TRAPPC9: variants seen among roughly 807,000 people sequenced by gnomAD.
TRAPPC9 encodes the protein trafficking protein particle complex subunit 9, also known as IKK2 binding protein.
In TRAPPC9, 83 loss-of-function variants were observed where a neutral mutation model predicts 124.0. That is an observed-to-expected ratio of 0.67 (90% confidence interval 0.56 to 0.80). The LOEUF (loss-of-function observed/expected upper bound fraction) is 0.80, where lower values mean the gene tolerates loss of function less well. Ranked by LOEUF, TRAPPC9 falls within the 30% of genes least tolerant of loss-of-function variation. The pLI is 0.00. For synonymous variants in TRAPPC9, 638 were observed against 617.5 expected (o/e 1.03, Z -0.49); for missense variants, 1,302 against 1,508.3 (o/e 0.86, Z 2.27).
At chr8:140,401,444 T>C (rs1223497677) in intron 6 of TRAPPC9, among the ~76,000 whole-genome samples, 2 of 152,180 alleles carry the variant, frequency 1.3e-5, no homozygotes, top group Non-Finnish European at 2.9e-5. Context: ...TACTGTTTCA[T>C]GACACAAGAA....
At chr8:139,943,864 G>A (rs1356179795) in intron 19 of TRAPPC9, among the ~76,000 whole-genome samples, 1 of 152,100 alleles carries the variant, frequency 6.6e-6, no homozygotes, top group Non-Finnish European at 1.5e-5. Context: ...TAAGAAGACA[G>A]ATAAATGAAA....
At chr8:139,959,616 C>T (rs1041259890) in intron 19 of TRAPPC9, among the ~76,000 whole-genome samples, 3 of 152,196 alleles carry the variant, frequency 2.0e-5, no homozygotes, top group African/African-American at 4.8e-5. Flanking sequence ...GCACTAAGAG[C>T]TTTGTTATAG....
intron 19 of TRAPPC9, among the ~76,000 whole-genome samples, chr8:139,943,286 C>T (rs1019418347): frequency 2.6e-5 from 4 of 152,184 alleles, no homozygotes; most frequent in African/African-American, 4.8e-5. Flanking sequence ...AGGCTGGTCT[C>T]GAACTCCTGA....
chr8:140,032,143 T>C (rs1324162639), intron 17 of TRAPPC9, among the ~76,000 whole-genome samples: 1 of 152,160 alleles, frequency 6.6e-6, no homozygotes, highest in African/African-American at 2.4e-5. Context: ...CTCTAACACA[T>C]ACCACATGGA....
intron 21 of TRAPPC9, among the ~76,000 whole-genome samples, chr8:139,733,618 G>A (rs1469144452): frequency 1.3e-5 from 2 of 152,238 alleles, no homozygotes; most frequent in African/African-American, 4.8e-5. Context: ...CTGATCCTGT[G>A]CTGTGGGCTA....
At chr8:140,397,774 CAA>C (rs774532133) in intron 6 of TRAPPC9, 29 bp from the exon 7 acceptor site, 2 of 1,613,024 alleles carry the variant, frequency 1.2e-6, no homozygotes, top group Non-Finnish European at 1.7e-6. Flanking sequence ...ATGCCTCAGT[CAA>C]AAAAGAGTTC....
intron 19 of TRAPPC9, among the ~76,000 whole-genome samples, chr8:139,968,398 C>G (rs1019195780): frequency 6.6e-6 from 1 of 152,172 alleles, no homozygotes. Flanking sequence ...CTGACTCCTG[C>G]CTTCCTGGGA....
chr8:140,290,031 G>A (rs1055383051), intron 12 of TRAPPC9, among the ~76,000 whole-genome samples: 1 of 152,136 alleles, frequency 6.6e-6, no homozygotes, highest in African/African-American at 2.4e-5. Flanking sequence ...TGTCACATCT[G>A]TCCCAGGAAC....
At chr8:139,964,078 G>A (rs1432099975) in intron 19 of TRAPPC9, among the ~76,000 whole-genome samples, 1 of 152,006 alleles carries the variant, frequency 6.6e-6, no homozygotes, top group Non-Finnish European at 1.5e-5. Flanking sequence ...CAAAAAATTA[G>A]CCGGGCGTGG....
At chr8:140,250,722 C>G (rs1173706868) in intron 16 of TRAPPC9, among the ~76,000 whole-genome samples, 1 of 152,146 alleles carries the variant, frequency 6.6e-6, no homozygotes, top group Non-Finnish European at 1.5e-5. Flanking sequence ...TTTGCTGTCT[C>G]TTTCTGCCAC....
intron 21 of TRAPPC9, among the ~76,000 whole-genome samples, chr8:139,873,235 G>T (rs1483969125): frequency 6.6e-6 from 1 of 152,102 alleles, no homozygotes; most frequent in African/African-American, 2.4e-5. Context: ...GTCTGGGAAC[G>T]CTGGGTCAGT....
chr8:140,114,794 G>C (rs1315068664), intron 17 of TRAPPC9, among the ~76,000 whole-genome samples: 1 of 152,200 alleles, frequency 6.6e-6, no homozygotes, highest in Non-Finnish European at 1.5e-5. Context: ...GAGGAAGGAA[G>C]TGAAAGGAGC....
intron 21 of TRAPPC9, among the ~76,000 whole-genome samples, chr8:139,847,719 C>T (rs1422592863): frequency 6.6e-6 from 1 of 150,928 alleles, no homozygotes; most frequent in Non-Finnish European, 1.5e-5. Flanking sequence ...GGCATGAGCA[C>T]CTGCCCCCCT....
Position 139,957,736 on chromosome 8 carries a change from CGCTT to C in TRAPPC9, c.2810+30986_2810+30989del, listed in dbSNP as rs563629210. 6.9e-3 allele frequency among the ~76,000 whole-genome samples: 1,056 copies of C among 152,276 alleles called. 12 individuals are homozygous for C. The highest frequency in any genetic ancestry group is 0.024 in the African/African-American group (979 of 41,550). ...GCCACAGCCGCAGGGGTGGCTCACT[CGCTT>C]GCTCAGGGGACACAGGACCCCCCTG... is the stretch of plus-strand genomic sequence containing the variant. On this transcript the variant is annotated intron_variant, in intron 19 of 22. Transcript: ENST00000438773.
chr8:140,037,674 TAC>T (rs920603187), intron 17 of TRAPPC9, among the ~76,000 whole-genome samples: 26 of 140,154 alleles, frequency 1.9e-4, no homozygotes, highest in Non-Finnish European at 3.3e-4. Flanking sequence ...ACATACCCAA[TAC>T]ACACACACAC....
At chr8:140,106,789 A>AT (rs1440618736) in intron 17 of TRAPPC9, among the ~76,000 whole-genome samples, 1 of 152,254 alleles carries the variant, frequency 6.6e-6, no homozygotes, top group Non-Finnish European at 1.5e-5. Flanking sequence ...GATAGCCTAT[A>AT]TAAAGGGCTT....
chr8:140,052,346 G>C (rs1842053270), intron 17 of TRAPPC9, among the ~76,000 whole-genome samples: 1 of 152,184 alleles, frequency 6.6e-6, no homozygotes, highest in Non-Finnish European at 1.5e-5. Context: ...AATAAATAAT[G>C]ATAGTAATGG....
intron 19 of TRAPPC9, among the ~76,000 whole-genome samples, chr8:139,948,596 G>GC (rs965467272): frequency 3.8e-4 from 58 of 152,210 alleles, no homozygotes; most frequent in Middle Eastern, 6.8e-3. Context: ...TTTAGGAGGA[G>GC]CCCCCCACCC....
In TRAPPC9 at chr8:139,776,241, C is replaced by T. The variant is rs1821364971; in HGVS notation, c.3056-44039G>A. On this transcript the variant is annotated intron_variant, in intron 21 of 22. Coordinates refer to ENST00000438773, the MANE Select transcript of TRAPPC9 (RefSeq NM_001160372.4). This position sits in a 1 kb window ranked among gnomAD's most constrained non-coding sequence, Gnocchi z 4.1. Reference sequence around the variant, plus strand: ...CCTCCTGCACAGGGACGCCAGGCTGCAGCCTCCCAGTCAGATGACTCAGCG... The same window carrying T: ...CCTCCTGCACAGGGACGCCAGGCTGTAGCCTCCCAGTCAGATGACTCAGCG... 6.6e-6 allele frequency among the ~76,000 whole-genome samples: 1 copy of T among 152,198 alleles called. No individual in the cohort carries two copies. The highest frequency in any genetic ancestry group is 1.5e-5 in the Non-Finnish European group (1 of 68,032).
Sources: allele counts gnomAD v4.1 joint callset (sites outside exome capture counted in the v4.1 genomes callset), GRCh38; gene constraint gnomAD v4.1.1; non-coding constraint Gnocchi (gnomAD v3.1); transcripts MANE v1.5; gene names NCBI Gene and HGNC (gene_info 2026-07-23, HGNC 2026-07-21).